CELF4: variants seen among roughly 807,000 people sequenced by gnomAD.
CELF4 encodes the protein CUG-BP- and ETR-3-like factor 4.
CELF4 carries 18 observed loss-of-function variants against 59.9 expected under a neutral mutation model. The ratio of observed to expected loss-of-function variants is 0.30; its 90% CI spans 0.21 to 0.45. The LOEUF is 0.45. Among genes scored for constraint, CELF4 ranks in the 20% least tolerant of loss-of-function variants. CELF4 has a pLI of 1.00. For synonymous variants in CELF4, 261 were observed against 267.1 expected, an observed-to-expected ratio of 0.98 and a Z score of 0.22; for missense variants, 456 against 689.0, an observed-to-expected ratio of 0.66 and a Z score of 3.79.
At chr18:37,311,878 G>A (rs1240470620) in intron 3 of CELF4, among the ~76,000 whole-genome samples, 7 of 151,640 alleles carry the variant, frequency 4.6e-5, no homozygotes, top group Non-Finnish European at 7.4e-5. Flanking sequence ...TTGGGAGGCC[G>A]AGGCAGGAGG....
At position 37,377,948 on chromosome 18, in the gene CELF4, C is replaced by A. The variant is rs189268724; in HGVS notation, c.370-56067G>T. 4.0e-3 allele frequency among the ~76,000 whole-genome samples: 613 copies of A among 152,246 alleles called. 3 individuals carry two copies. The highest frequency in any genetic ancestry group is 0.014 in the African/African-American group (588 of 41,526). Reference sequence around the variant, plus strand: ...CCACAGAGGAGGCAACAGGAGAGAACCTCTAAGGCAGTGGAAAGCAGAGGT... The same window carrying A: ...CCACAGAGGAGGCAACAGGAGAGAAACTCTAAGGCAGTGGAAAGCAGAGGT... On this transcript the variant is annotated intron_variant, in intron 2 of 12. Transcript: ENST00000420428.
chr18:37,340,534 G>T (rs1319763868), intron 2 of CELF4, among the ~76,000 whole-genome samples: 2 of 152,174 alleles, frequency 1.3e-5, no homozygotes, highest in Non-Finnish European at 2.9e-5. Flanking sequence ...TAATTCTCTT[G>T]TTCATTCATT....
At chr18:37,538,199 G>A (rs1314905701) in intron 1 of CELF4, among the ~76,000 whole-genome samples, 1 of 152,178 alleles carries the variant, frequency 6.6e-6, no homozygotes, top group Admixed American at 6.5e-5. Flanking sequence ...CACCTCTGAG[G>A]CCCTGCTCTC....
At chr18:37,484,050 C>A (rs1343543940) in intron 2 of CELF4, among the ~76,000 whole-genome samples, 1 of 152,180 alleles carries the variant, frequency 6.6e-6, no homozygotes, top group East Asian at 1.9e-4. Context: ...TTCTCTCTTT[C>A]TGTTTCCCCT....
In CELF4 at chr18:37,460,046, G is replaced by A. The variant is rs116074613; in HGVS notation, c.369+25479C>T. Among the ~76,000 whole-genome samples the A allele has an allele frequency of 5.4e-3, 822 of 152,310 alleles. 8 individuals carry two copies. The highest frequency in any genetic ancestry group is 0.019 in the African/African-American group (784 of 41,562). On this transcript the variant is annotated intron_variant, in intron 2 of 12. Coordinates refer to ENST00000420428, the MANE Select transcript of CELF4 (RefSeq NM_020180.4). ...AGCAGTTCAAATTCTGAATGGATGGGCAGTATTGGCCAAGGGGGAGGAAGT... is the reference window on the plus strand; with the variant it reads ...AGCAGTTCAAATTCTGAATGGATGGACAGTATTGGCCAAGGGGGAGGAAGT...
chr18:37,486,801 T>C (rs1467733774), intron 1 of CELF4, among the ~76,000 whole-genome samples: 2 of 152,168 alleles, frequency 1.3e-5, no homozygotes, highest in Non-Finnish European at 2.9e-5. Context: ...CAACCTGTGT[T>C]CCCTTCTGCC....
chr18:37,275,404 C>A (rs1020924739), intron 3 of CELF4, among the ~76,000 whole-genome samples, 161 bp from the exon 4 acceptor site: 1 of 57,296 alleles, frequency 1.7e-5, no homozygotes, highest in South Asian at 4.7e-4. Context: ...GGGACGGGGG[C>A]GGGGCTTAGT....
intron 3 of CELF4, among the ~76,000 whole-genome samples, chr18:37,297,867 A>G (rs1319694463): frequency 6.6e-6 from 1 of 152,156 alleles, no homozygotes; most frequent in Non-Finnish European, 1.5e-5. Context: ...GGCCATGCAA[A>G]GGCCCAGATG....
chr18:37,254,072 C>T lies in CELF4; in HGVS notation c.1334-134G>A, dbSNP rs1266583485. The T allele has an allele frequency of 3.7e-5, 21 of 566,988 alleles. No homozygotes were observed. Among genetic ancestry groups the T allele is most frequent in the Admixed American group, 5.0e-5 (1 of 19,968 alleles). 35.1% of individuals were successfully genotyped at this position (566,988 alleles called of 1,614,324 possible). A position where few individuals can be genotyped will look rare whatever the true frequency, so the allele number is the denominator to read the frequency against. ...CCCTCGGGCCCCGCCCCCGGCCCCG[C>T]CCCGGTGCCCGCCCCTCTCCAGCCC... On this transcript the variant is annotated intron_variant, in intron 11 of 12. Coordinates refer to ENST00000420428, the MANE Select transcript of CELF4 (RefSeq NM_020180.4). This position sits in a 1 kb window ranked among gnomAD's most constrained non-coding sequence, Gnocchi z 5.1.
chr18:37,359,541 CT>C (rs972912150), intron 2 of CELF4, among the ~76,000 whole-genome samples: 7 of 152,122 alleles, frequency 4.6e-5, no homozygotes, highest in Non-Finnish European at 1.0e-4. Context: ...GCTATGTTGC[CT>C]AGGCTGGTCT....
intron 1 of CELF4, among the ~76,000 whole-genome samples, chr18:37,553,994 G>T (rs1444306118): frequency 6.6e-6 from 1 of 152,240 alleles, no homozygotes; most frequent in African/African-American, 2.4e-5. Flanking sequence ...GTATGAAAAA[G>T]GTGTAAAGAA....
intron 1 of CELF4, among the ~76,000 whole-genome samples, chr18:37,557,120 C>A (rs936035929): frequency 2.6e-5 from 4 of 152,188 alleles, no homozygotes; most frequent in Admixed American, 2.0e-4. Context: ...AGCACAGGTG[C>A]TCAAGAGATG....
intron 2 of CELF4, among the ~76,000 whole-genome samples, chr18:37,405,183 C>T (rs2099370936): frequency 6.6e-6 from 1 of 152,192 alleles, no homozygotes; most frequent in Non-Finnish European, 1.5e-5. Flanking sequence ...CGTTGTCATC[C>T]TGTCATTTTC....
In CELF4 at chr18:37,422,280, T is replaced by C. The variant is rs147154048; in HGVS notation, c.369+63245A>G. 8.8e-4 allele frequency among the ~76,000 whole-genome samples: 134 copies of C among 152,332 alleles called. 3 individuals carry two copies. The South Asian group carries it at 0.013, about 15-fold the overall frequency. ...AATGGCAGCTGCCTCCCAACTATGA[T>C]GGCCAGTCAGGGGCCACCCTTGTGG... On this transcript the variant is annotated intron_variant, in intron 2 of 12. Coordinates refer to ENST00000420428, the MANE Select transcript of CELF4 (RefSeq NM_020180.4).
intron 1 of CELF4, among the ~76,000 whole-genome samples, chr18:37,557,690 A>G (rs1348547159): frequency 1.3e-5 from 2 of 152,198 alleles, no homozygotes; most frequent in African/African-American, 4.8e-5. Context: ...GTCTCTGTCA[A>G]TTAAGCTCTT....
chr18:37,521,544 A>G (rs1017903512), intron 1 of CELF4, among the ~76,000 whole-genome samples: 3 of 152,220 alleles, frequency 2.0e-5, no homozygotes, highest in Non-Finnish European at 4.4e-5. Flanking sequence ...TACGTGCACC[A>G]TTAAATCTGG....
At chr18:37,323,979 T>A (rs1216436699) in intron 2 of CELF4, among the ~76,000 whole-genome samples, 1 of 152,024 alleles carries the variant, frequency 6.6e-6, no homozygotes. Context: ...AAAGTACCCA[T>A]TCCATAAAGG....
At chr18:37,440,189 G>A (rs766607093) in intron 2 of CELF4, among the ~76,000 whole-genome samples, 1 of 152,196 alleles carries the variant, frequency 6.6e-6, no homozygotes, top group East Asian at 1.9e-4. Flanking sequence ...TCCTGTACAC[G>A]CTCCCGGTGG....
chr18:37,310,662 T>A (rs1259221661), intron 3 of CELF4, among the ~76,000 whole-genome samples: 2 of 152,180 alleles, frequency 1.3e-5, no homozygotes, highest in African/African-American at 4.8e-5. Flanking sequence ...CCCAATCACC[T>A]GTCCCTGCAC....
Sources: allele counts gnomAD v4.1 joint callset (sites outside exome capture counted in the v4.1 genomes callset), GRCh38; gene constraint gnomAD v4.1.1; non-coding constraint Gnocchi (gnomAD v3.1); transcripts MANE v1.5; gene names NCBI Gene and HGNC (gene_info 2026-07-23, HGNC 2026-07-21).